POM121: variants seen among roughly 807,000 people sequenced by gnomAD.
POM121 encodes the protein POM121 transmembrane nucleoporin.
Under a neutral mutation model 81.3 loss-of-function variants are expected in POM121, and 32 were observed. The observed-to-expected ratio is 0.39, with a 90% CI of 0.30 to 0.53. POM121 has a LOEUF of 0.53. POM121 is among the 20% of genes least tolerant of loss of function. The probability of loss-of-function intolerance (pLI) is 0.66; values close to 1 mark genes in which losing one functional copy is unlikely to be tolerated. For missense variants in POM121, 1,138 were observed against 1,614.6 expected (o/e 0.70, Z 5.06); for synonymous variants, 514 against 694.2 (o/e 0.74, Z 4.08).
At chr7:72,888,757 A>G (rs1790998496) in intron 1 of POM121, among the ~76,000 whole-genome samples, 4 of 152,154 alleles carry the variant, frequency 2.6e-5, no homozygotes, top group African/African-American at 4.8e-5. Flanking sequence ...CATATGTCAC[A>G]TATCATACGT....
chr7:72,906,307 G>T lies in POM121; in HGVS notation c.-215-7458G>T, dbSNP rs1203937597. 2.6e-5 allele frequency among the ~76,000 whole-genome samples: 4 copies of T among 152,286 alleles called. No individual in the cohort carries two copies. The East Asian group carries it at 7.7e-4, about 29-fold the overall frequency. ...CCGGGCTGGTCCTCAGAGACCCATC[G>T]GACCCACCAAGGTGCAGAACCCACG... On this transcript the variant is annotated intron_variant, in intron 3 of 15. Coordinates refer to the POM121 transcript ENST00000395270.
intron 3 of POM121, among the ~76,000 whole-genome samples, chr7:72,928,177 TC>T (rs1795653551): frequency 6.6e-6 from 1 of 151,950 alleles, no homozygotes; most frequent in African/African-American, 2.4e-5. Flanking sequence ...GCTATTGCAC[TC>T]CAGCCTGGGC....
At chr7:72,935,500 A>G (rs1163430660) in intron 5 of POM121, among the ~76,000 whole-genome samples, 4 of 151,578 alleles carry the variant, frequency 2.6e-5, no homozygotes, top group African/African-American at 7.3e-5. Flanking sequence ...CATCATCTCT[A>G]TTTCTTCTCT....
At chr7:72,906,650 C>A (rs1181409542) in intron 3 of POM121, among the ~76,000 whole-genome samples, 2 of 152,136 alleles carry the variant, frequency 1.3e-5, no homozygotes, top group East Asian at 3.8e-4. Context: ...TTTATTGAGA[C>A]AGAGTCTTAC....
At chr7:72,939,751 C>T in intron 7 of POM121, 96 bp from the exon 8 acceptor site, 1 of 1,609,700 alleles carries the variant, frequency 6.2e-7, no homozygotes, top group Non-Finnish European at 8.5e-7. Context: ...CAGAGATACC[C>T]ATTGAAAACT....
At chr7:72,938,159 ATAAT>A (rs1796695686) in intron 5 of POM121, among the ~76,000 whole-genome samples, 1 of 151,904 alleles carries the variant, frequency 6.6e-6, no homozygotes, top group Non-Finnish European at 1.5e-5. Flanking sequence ...TTTTGCTTTC[ATAAT>A]TAATACTGGC....
chr7:72,909,410 T>A (rs1224794694), intron 3 of POM121, among the ~76,000 whole-genome samples: 1 of 152,240 alleles, frequency 6.6e-6, no homozygotes, highest in African/African-American at 2.4e-5. Context: ...CAGATTTTTC[T>A]GGTTCTTAGT....
chr7:72,902,720 G>A (rs1228578947), intron 3 of POM121, among the ~76,000 whole-genome samples: 5 of 152,032 alleles, frequency 3.3e-5, no homozygotes, highest in African/African-American at 1.2e-4. Flanking sequence ...TGTAGAGAGG[G>A]GGTTTCACCA....
At chr7:72,901,257 T>G (rs1792616060) in intron 3 of POM121, among the ~76,000 whole-genome samples, 1 of 150,866 alleles carries the variant, frequency 6.6e-6, no homozygotes, top group South Asian at 2.1e-4. Flanking sequence ...CTCTGTTGCC[T>G]GTGCTGGAGT....
At chr7:72,919,025 T>G (rs550938762) in intron 4 of POM121, among the ~76,000 whole-genome samples, 1 of 152,174 alleles carries the variant, frequency 6.6e-6, no homozygotes, top group Non-Finnish European at 1.5e-5. Context: ...GGTCTCGATC[T>G]CCTGACCTTG....
At chr7:72,929,192 A>G (rs1795775630) in intron 4 of POM121, among the ~76,000 whole-genome samples, 1 of 152,212 alleles carries the variant, frequency 6.6e-6, no homozygotes, top group Admixed American at 6.5e-5. Flanking sequence ...GAAAAGTCTC[A>G]GGGGGAATAA....
intron 5 of POM121, among the ~76,000 whole-genome samples, chr7:72,936,113 C>A (rs1191971669): frequency 6.6e-6 from 1 of 151,708 alleles, no homozygotes; most frequent in African/African-American, 2.4e-5. Context: ...TACTTTTTTC[C>A]CCTAATTGTT....
At chr7:72,903,460 G>A (rs1472529458) in intron 3 of POM121, among the ~76,000 whole-genome samples, 1 of 152,150 alleles carries the variant, frequency 6.6e-6, no homozygotes, top group Non-Finnish European at 1.5e-5. Context: ...CAGATATTTT[G>A]AGTATTATAA....
chr7:72,899,212 T>G (rs1372002343), intron 3 of POM121, among the ~76,000 whole-genome samples: 1 of 152,116 alleles, frequency 6.6e-6, no homozygotes, highest in African/African-American at 2.4e-5. Flanking sequence ...CTCAAACTCC[T>G]GACCGCAGGT....
Position 72,943,003 on chromosome 7 carries a change from G to T in POM121, c.3010G>T (p.Ala1004Ser). ...SFTFGNSAAP[A>S]AAPTPAPPSM... is the part of the protein sequence containing the mutation. ...CACTTTTGGAAACTCTGCAGCCCCG[G>T]CTGCTGCACCCACACCTGCACCTCC... Residue 1004 changes from alanine to serine, a missense_variant, in exon 11 of 13, where the codon GCT (alanine) becomes TCT (serine). Around this residue, in one of 7 missense-constraint regions of POM121, gnomAD observed 336 missense variants for 344.3 expected, o/e 0.98. Transcript: ENST00000434423. 6.2e-7 allele frequency: 1 copy of T among 1,613,558 alleles called. No individual in the cohort carries two copies.
intron 11 of POM121, among the ~76,000 whole-genome samples, chr7:72,944,902 A>C (rs1417251399): frequency 3.9e-5 from 6 of 152,158 alleles, no homozygotes; most frequent in Non-Finnish European, 8.8e-5. Context: ...CCAGTGAGCC[A>C]AGGGTCCTCT....
At chr7:72,903,114 C>T (rs1467442393) in intron 3 of POM121, among the ~76,000 whole-genome samples, 1 of 151,726 alleles carries the variant, frequency 6.6e-6, no homozygotes, top group African/African-American at 2.4e-5. Flanking sequence ...ATACCTTTTC[C>T]CCCCAAAAAG....
At chr7:72,945,280 G>A (rs529039950) in intron 11 of POM121, among the ~76,000 whole-genome samples, 570 of 151,198 alleles carry the variant, frequency 3.8e-3, no homozygotes, top group African/African-American at 0.013. Context: ...TACGCTAGGA[G>A]GCGGGGGCCC....
At chr7:72,925,069 G>C, upstream of POM121, 1 of 1,357,448 alleles carries the variant, frequency 7.4e-7, no homozygotes, top group South Asian at 1.8e-5. Context: ...GACGCGACGC[G>C]CGGCGCGGTG....
Sources: allele counts gnomAD v4.1 joint callset (sites outside exome capture counted in the v4.1 genomes callset), GRCh38; gene constraint gnomAD v4.1.1; regional missense constraint gnomAD v4.1.1; transcripts MANE v1.5; gene names NCBI Gene and HGNC (gene_info 2026-07-23, HGNC 2026-07-21).